The following DNAAF5 variants were observed in gnomAD, a reference collection of about 807,000 sequenced individuals.
DNAAF5 encodes the protein dynein axonemal assembly factor 5, also known as HEAT repeat containing 2.
Under a neutral mutation model 75.8 loss-of-function variants are expected in DNAAF5, and 64 were observed. The ratio of observed to expected loss-of-function variants is 0.84; its 90% CI spans 0.69 to 1.04. DNAAF5 has a LOEUF of 1.04. Ranked by LOEUF, DNAAF5 falls within the 50% of genes least tolerant of loss-of-function variation. DNAAF5 has a pLI of 0.00. For missense variants in DNAAF5, 1,269 were observed against 1,178.5 expected, an observed-to-expected ratio of 1.08 and a Z score of -1.12; for synonymous variants, 657 against 557.2, an observed-to-expected ratio of 1.18 and a Z score of -2.52.
chr7:766,791 C>T (rs73036238), intron 8 of DNAAF5, among the ~76,000 whole-genome samples: 1 of 152,126 alleles, frequency 6.6e-6, no homozygotes, highest in Admixed American at 6.5e-5. Flanking sequence ...GCCCGGACAA[C>T]AGAGAGAGAC....
At chr7:730,085 G>T (rs1261191526) in intron 2 of DNAAF5, among the ~76,000 whole-genome samples, 2 of 152,324 alleles carry the variant, frequency 1.3e-5, no homozygotes, top group East Asian at 3.9e-4. Context: ...GACTTGTGTA[G>T]TTATTGTCTC....
chr7:763,997 G>A (rs748885496), intron 8 of DNAAF5, 23 bp downstream of exon 8: 6 of 1,598,942 alleles, frequency 3.8e-6, no homozygotes, highest in African/African-American at 2.7e-5. Flanking sequence ...GACAGCTGGC[G>A]TGCCGTGCCT....
In DNAAF5 at chr7:754,934, A is replaced by AC; in HGVS notation, c.1257+118dup. The AC allele has an allele frequency of 1.2e-6, 1 of 807,154 alleles. No individual in the cohort carries two copies. The highest frequency in any genetic ancestry group is 1.9e-5 in the South Asian group (1 of 51,808). 50.0% of individuals were successfully genotyped at this position (807,154 alleles called of 1,614,324 possible). A position where few individuals can be genotyped will look rare whatever the true frequency, so the allele number is the denominator to read the frequency against. ...CTGTAGCCAAGACAGCGTTCCCCTC[A>AC]CCCCCGGGCCGCAGGCCCTCCCCAC... is the stretch of plus-strand genomic sequence containing the variant. On this transcript the variant is annotated intron_variant, in intron 5 of 12. Coordinates refer to ENST00000297440, the MANE Select transcript of DNAAF5 (RefSeq NM_017802.4). The surrounding 1 kb of genome is among the most constrained non-coding windows in gnomAD (Gnocchi z 4.8).
At chr7:758,389 C>T (rs1256344484) in intron 6 of DNAAF5, among the ~76,000 whole-genome samples, 1 of 152,204 alleles carries the variant, frequency 6.6e-6, no homozygotes, top group South Asian at 2.1e-4. Context: ...TTTGGCTCCC[C>T]ATCTTCCAGT....
intron 9 of DNAAF5, among the ~76,000 whole-genome samples, chr7:773,286 G>C (rs535073229): frequency 1.3e-5 from 2 of 152,368 alleles, no homozygotes; most frequent in Non-Finnish European, 2.9e-5. Flanking sequence ...GGAGCAAGCC[G>C]GTGGCGCCTC....
At chr7:776,055 C>T (rs756959123) in intron 11 of DNAAF5, among the ~76,000 whole-genome samples, 4 of 152,084 alleles carry the variant, frequency 2.6e-5, no homozygotes, top group Non-Finnish European at 4.4e-5. Context: ...AAGCAGAAAA[C>T]GTGGCCGGGC....
chr7:767,613 A>G (rs1778358507), intron 8 of DNAAF5, among the ~76,000 whole-genome samples: 1 of 152,028 alleles, frequency 6.6e-6, no homozygotes, highest in South Asian at 2.1e-4. Flanking sequence ...AAATGGGAAG[A>G]CAGGTGTGGT....
In DNAAF5 at chr7:754,068, G is replaced by A. The variant is rs1319243697; in HGVS notation, c.1025-521G>A. On this transcript the variant is annotated intron_variant, in intron 4 of 12. Coordinates refer to ENST00000297440, the MANE Select transcript of DNAAF5 (RefSeq NM_017802.4). The surrounding 1 kb of genome is among the most constrained non-coding windows in gnomAD (Gnocchi z 4.8). Reference sequence around the variant, plus strand: ...TATGGCGATGGCTTCGCAGGCGTGTGTCTCTCTGATCATAGGGGGACGGCT... The same window carrying A: ...TATGGCGATGGCTTCGCAGGCGTGTATCTCTCTGATCATAGGGGGACGGCT... Among the ~76,000 whole-genome samples the A allele has an allele frequency of 6.6e-6, 1 of 150,590 alleles. No homozygotes were observed. The highest frequency in any genetic ancestry group is 2.4e-5 in the African/African-American group (1 of 40,820).
intron 12 of DNAAF5, among the ~76,000 whole-genome samples, chr7:785,153 T>C (rs1779107202): frequency 1.3e-5 from 2 of 152,352 alleles, no homozygotes; most frequent in Middle Eastern, 3.4e-3. Context: ...AGGTCACTTG[T>C]ATCCACATTA....
At chr7:767,882 T>C (rs1409336358) in intron 8 of DNAAF5, among the ~76,000 whole-genome samples, 1 of 143,582 alleles carries the variant, frequency 7.0e-6, no homozygotes, top group African/African-American at 2.6e-5. Context: ...AGACACATGG[T>C]CCGGTGGAAG....
intron 10 of DNAAF5, among the ~76,000 whole-genome samples, 200 bp downstream of exon 10, chr7:774,398 G>T (rs566537053): frequency 6.6e-6 from 1 of 152,334 alleles, no homozygotes; most frequent in East Asian, 1.9e-4. Context: ...GACAGCAGGC[G>T]GGAGAGCGGG....
intron 12 of DNAAF5, among the ~76,000 whole-genome samples, chr7:784,196 G>A (rs1198935180): frequency 1.3e-5 from 2 of 152,168 alleles, no homozygotes; most frequent in African/African-American, 4.8e-5. Context: ...TCCTCTGGCT[G>A]CGGGACGCCC....
intron 9 of DNAAF5, 130 bp downstream of exon 9, chr7:770,748 G>A (rs1372849253): frequency 1.2e-6 from 1 of 837,310 alleles, no homozygotes; most frequent in African/African-American, 1.7e-5. Context: ...TGCGCAAGGG[G>A]TTCCCCATCT....
chr7:732,157 G>A (rs1307993770), intron 2 of DNAAF5, among the ~76,000 whole-genome samples: 7 of 152,236 alleles, frequency 4.6e-5, no homozygotes, highest in Non-Finnish European at 1.0e-4. Flanking sequence ...CAGGACACAG[G>A]CGGTCTAGCC....
chr7:742,019 C>T (rs887612392), intron 4 of DNAAF5, among the ~76,000 whole-genome samples: 2 of 152,226 alleles, frequency 1.3e-5, no homozygotes, highest in Non-Finnish European at 2.9e-5. Flanking sequence ...ATGTTGCGGG[C>T]ACCCATGTGC....
At chr7:764,915 T>C (rs569936257) in intron 8 of DNAAF5, among the ~76,000 whole-genome samples, 2 of 151,758 alleles carry the variant, frequency 1.3e-5, no homozygotes, top group Non-Finnish European at 2.9e-5. Context: ...TACAAAAAGA[T>C]GAAAAAAACC....
chr7:750,448 A>G (rs1404501601), intron 4 of DNAAF5, among the ~76,000 whole-genome samples: 2 of 152,142 alleles, frequency 1.3e-5, no homozygotes, highest in Admixed American at 6.5e-5. Context: ...TGTGGAAGAC[A>G]ATTTTTCCAT....
At chr7:739,357 T>G (rs1178076719) in intron 2 of DNAAF5, among the ~76,000 whole-genome samples, 2 of 152,142 alleles carry the variant, frequency 1.3e-5, no homozygotes, top group Non-Finnish European at 2.9e-5. Context: ...CATTAAACCC[T>G]GGGCTGTCTC....
intron 2 of DNAAF5, among the ~76,000 whole-genome samples, chr7:735,093 C>T (rs1781696063): frequency 7.0e-6 from 1 of 142,980 alleles, no homozygotes; most frequent in South Asian, 2.3e-4. Context: ...TACTGTTGCT[C>T]ATGGTGTTCT....
Sources: allele counts gnomAD v4.1 joint callset (sites outside exome capture counted in the v4.1 genomes callset), GRCh38; gene constraint gnomAD v4.1.1; non-coding constraint Gnocchi (gnomAD v3.1); transcripts MANE v1.5; gene names NCBI Gene and HGNC (gene_info 2026-07-23, HGNC 2026-07-21).